The following SLC22A25 variants were observed in gnomAD, a reference collection of about 807,000 sequenced individuals.
SLC22A25 encodes solute carrier family 22 member 25, also known as MGI:2442751, MGI:2385316, MGI:3042283, MGI:3645714, MGI:3605624, MGI:2442750.
Under a neutral mutation model 45.9 loss-of-function variants are expected in SLC22A25, and 44 were observed. The ratio of observed to expected loss-of-function variants is 0.96; its 90% CI spans 0.75 to 1.23. The LOEUF (loss-of-function observed/expected upper bound fraction) is 1.23. SLC22A25 is among the 50% of genes most tolerant of loss of function. The pLI is 0.00. For synonymous variants in SLC22A25, 283 were observed against 238.6 expected, an observed-to-expected ratio of 1.19 and a Z score of -1.72; for missense variants, 800 against 666.4, an observed-to-expected ratio of 1.20 and a Z score of -2.21.
At chr11:63,213,788 A>G (rs2089640575) in intron 7 of SLC22A25, among the ~76,000 whole-genome samples, 1 of 152,288 alleles carries the variant, frequency 6.6e-6, no homozygotes, top group East Asian at 1.9e-4. Flanking sequence ...CGAGCCGGGA[A>G]GATCTCAGAG....
At chr11:63,170,419 G>T (rs2087837251) in intron 9 of SLC22A25, among the ~76,000 whole-genome samples, 1 of 151,862 alleles carries the variant, frequency 6.6e-6, no homozygotes, top group Admixed American at 6.6e-5. Flanking sequence ...TAGACTGCTA[G>T]CAAGACTAAT....
At chr11:63,190,279 T>A (rs930912683) in intron 7 of SLC22A25, among the ~76,000 whole-genome samples, 2 of 152,088 alleles carry the variant, frequency 1.3e-5, no homozygotes, top group African/African-American at 4.8e-5. Flanking sequence ...TCTTTTCTGA[T>A]TTCATTTCAT....
In SLC22A25 at chr11:63,163,797, T is replaced by A; in HGVS notation, c.*27A>T. On this transcript the variant is annotated 3_prime_UTR_variant, in exon 12 of 12. Coordinates refer to ENST00000306494, the MANE Select transcript of SLC22A25 (RefSeq NM_199352.6). ...CTTTTTGGGGGATGGTAGCCCTAAA[T>A]GGTGTTTTGCTTTCCTCAGCACAGA... The A allele has an allele frequency of 1.3e-6, 2 of 1,584,126 alleles. No individual in the cohort carries two copies. Among genetic ancestry groups the A allele is most frequent in the Non-Finnish European group, 1.7e-6 (2 of 1,166,852 alleles).
chr11:63,203,926 C>A (rs945939358), intron 7 of SLC22A25, among the ~76,000 whole-genome samples: 1 of 152,122 alleles, frequency 6.6e-6, no homozygotes, highest in African/African-American at 2.4e-5. Flanking sequence ...AGGTTACCTA[C>A]AAAGGGAAGC....
At position 63,160,403 on chromosome 11, in the gene SLC22A25, TGTG is replaced by T. The variant is rs1228304775; in HGVS notation, c.*3418_*3420del. Among the ~76,000 whole-genome samples, 1 of 152,162 alleles carries T rather than the reference TGTG, an allele frequency of 6.6e-6. No homozygotes were observed. Among genetic ancestry groups the T allele is most frequent in the African/African-American group, 2.4e-5 (1 of 41,452 alleles). ...AAGCCCCAAGCCTTGACAGCTTCCA[TGTG>T]GTGTTGAGCCTACAGGTGCAAAGAA... On this transcript the variant is annotated 3_prime_UTR_variant, in exon 12 of 12. Coordinates refer to ENST00000306494, the MANE Select transcript of SLC22A25 (RefSeq NM_199352.6).
rs2090285929 is a variant in SLC22A25 at position 63,243,483 on chromosome 11, T to C, written c.-1045A>G. On this transcript the variant is annotated 5_prime_UTR_variant, in exon 1 of 12. Transcript: ENST00000306494. The stretch of plus-strand genomic sequence containing the variant: ...CCAACTTCAAAGTCCCATCTGCAAC[T>C]CCTGGGTGCTGTCTGCATGTTCCTG... 1.3e-6 allele frequency: 1 copy of C among 763,094 alleles called. No individual in the cohort carries two copies. Among genetic ancestry groups the C allele is most frequent in the Middle Eastern group, 2.3e-4 (1 of 4,308 alleles). The allele number at this position is 763,094 out of a possible 1,614,324, so 47.3% of individuals were successfully genotyped here.
chr11:63,198,658 G>A, intron 7 of SLC22A25, among the ~76,000 whole-genome samples: 1 of 152,046 alleles, frequency 6.6e-6, no homozygotes, highest in Non-Finnish European at 1.5e-5. Context: ...AATGGCACAT[G>A]TATACATATG....
intron 7 of SLC22A25, among the ~76,000 whole-genome samples, chr11:63,201,572 C>A (rs911743348): frequency 6.6e-6 from 1 of 152,124 alleles, no homozygotes. Context: ...ACAACCTAGG[C>A]AATACCATTC....
At chr11:63,195,873 A>G (rs1172789254) in intron 7 of SLC22A25, among the ~76,000 whole-genome samples, 1 of 152,324 alleles carries the variant, frequency 6.6e-6, no homozygotes, top group Non-Finnish European at 1.5e-5. Flanking sequence ...AATAAAGAAG[A>G]AAAGAGAGAA....
At chr11:63,190,053 G>A (rs1328974592) in intron 7 of SLC22A25, among the ~76,000 whole-genome samples, 1 of 151,982 alleles carries the variant, frequency 6.6e-6, no homozygotes, top group Non-Finnish European at 1.5e-5. Flanking sequence ...GAGTATCTTT[G>A]TGGTGTTCTC....
At chr11:63,177,941 T>C (rs1471003590) in intron 9 of SLC22A25, among the ~76,000 whole-genome samples, 1 of 128,828 alleles carries the variant, frequency 7.8e-6, no homozygotes, top group Non-Finnish European at 1.7e-5. Flanking sequence ...GGTCTCACTC[T>C]GTCTTAAAAG....
At chr11:63,232,980 A>G (rs2090097480) in intron 3 of SLC22A25, among the ~76,000 whole-genome samples, 1 of 152,168 alleles carries the variant, frequency 6.6e-6, no homozygotes, top group South Asian at 2.1e-4. Flanking sequence ...CCCAGGGATG[A>G]AGCCCACTTG....
In SLC22A25 at chr11:63,162,528, A is replaced by G. The variant is rs1455871423; in HGVS notation, c.*1296T>C. Among the ~76,000 whole-genome samples the G allele has an allele frequency of 1.3e-5, 2 of 152,192 alleles. No homozygotes were observed. Among genetic ancestry groups the G allele is most frequent in the Non-Finnish European group, 1.5e-5 (1 of 68,034 alleles). On this transcript the variant is annotated 3_prime_UTR_variant, in exon 12 of 12. Coordinates refer to ENST00000306494, the MANE Select transcript of SLC22A25 (RefSeq NM_199352.6). ...TTTTTATGTTCTTATAAAAGTATGC[A>G]GCTTGAAAATGAGGTTTTTCCACTT...
At chr11:63,186,768 G>C (rs1257283248) in intron 7 of SLC22A25, among the ~76,000 whole-genome samples, 1 of 152,144 alleles carries the variant, frequency 6.6e-6, no homozygotes, top group African/African-American at 2.4e-5. Flanking sequence ...CATATGGCTA[G>C]CCAGTTTTCC....
At position 63,229,397 on chromosome 11, in the gene SLC22A25, C is replaced by G. The variant is rs1233116935; in HGVS notation, c.256G>C (p.Glu86Gln). The G allele has an allele frequency of 6.2e-7, 1 of 1,614,086 alleles. No homozygotes were observed. Among genetic ancestry groups the G allele is most frequent in the Admixed American group, 1.7e-5 (1 of 60,018 alleles). Residue 86 changes from glutamate (E) to glutamine (Q), a missense_variant, in exon 4 of 12, where the codon GAG becomes CAG. Glu to Gln is a conservative substitution (Grantham distance 29). Transcript: ENST00000306494. ...GGATGGACAAAGCGACGACACTTCTCTGGCCTCAGATTTGAGTCGAATGGG... is the reference window on the plus strand; with the variant it reads ...GGATGGACAAAGCGACGACACTTCTGTGGCCTCAGATTTGAGTCGAATGGG... The part of the protein sequence containing the change: ...SIPFDSNLRP[E>Q]KCRRFVHPQW...
chr11:63,165,999 AG>A (rs772920406), intron 10 of SLC22A25, 44 bp downstream of exon 10: 6 of 1,601,730 alleles, frequency 3.7e-6, no homozygotes, highest in Non-Finnish European at 5.1e-6. Flanking sequence ...CCCTGAGAAA[AG>A]AGGGAAAGAC....
At chr11:63,219,014 A>G (rs1267631093) in intron 5 of SLC22A25, among the ~76,000 whole-genome samples, 1 of 152,238 alleles carries the variant, frequency 6.6e-6, no homozygotes, top group Non-Finnish European at 1.5e-5. Flanking sequence ...ACAAAATGCT[A>G]CTAGAACTAA....
chr11:63,172,259 C>T (rs568924140), intron 9 of SLC22A25, among the ~76,000 whole-genome samples: 22 of 152,178 alleles, frequency 1.4e-4, no homozygotes, highest in Admixed American at 9.8e-4. Context: ...ACTAAAACAC[C>T]AAAAGCAATT....
chr11:63,209,183 C>T (rs2089490721), intron 7 of SLC22A25, among the ~76,000 whole-genome samples: 1 of 151,990 alleles, frequency 6.6e-6, no homozygotes, highest in South Asian at 2.1e-4. Context: ...GACCAGTTTC[C>T]CTATATAGAC....
Sources: allele counts gnomAD v4.1 joint callset (sites outside exome capture counted in the v4.1 genomes callset), GRCh38; gene constraint gnomAD v4.1.1; transcripts MANE v1.5; gene names NCBI Gene and HGNC (gene_info 2026-07-23, HGNC 2026-07-21).